Variants in WWOX observed in about 807,000 individuals in gnomAD.
WWOX encodes the protein WW domain-containing oxidoreductase.
WWOX carries 69 observed loss-of-function variants against 46.2 expected under a neutral mutation model. That is an observed-to-expected ratio of 1.49 (90% CI 1.23 to 1.82). WWOX has a LOEUF of 1.82. Among genes scored for constraint, WWOX ranks in the 40% most tolerant of loss-of-function variants. WWOX has a pLI of 0.00. For synonymous variants in WWOX, 359 were observed against 202.6 expected (o/e 1.77, Z -6.56); for missense variants, 919 against 542.6 (o/e 1.69, Z -6.89).
intron 8 of WWOX, among the ~76,000 whole-genome samples, chr16:78,724,823 A>C (rs540279286): frequency 2.0e-4 from 31 of 152,286 alleles, no homozygotes; most frequent in African/African-American, 6.5e-4. Flanking sequence ...GTAGTTTTTC[A>C]GACATATCTC....
At chr16:78,827,666 C>G (rs954213902) in intron 8 of WWOX, among the ~76,000 whole-genome samples, 15 of 128,748 alleles carry the variant, frequency 1.2e-4, no homozygotes, top group South Asian at 1.1e-3. Flanking sequence ...AACCCCATCT[C>G]TACTAAAAAT....
At chr16:78,848,983 G>A (rs539196476) in intron 8 of WWOX, among the ~76,000 whole-genome samples, 7 of 152,252 alleles carry the variant, frequency 4.6e-5, no homozygotes, top group Admixed American at 6.5e-5. Flanking sequence ...CATTTGCTGC[G>A]ATGACTCGCA....
chr16:78,475,465 G>C (rs2084329463), intron 8 of WWOX, among the ~76,000 whole-genome samples: 1 of 152,088 alleles, frequency 6.6e-6, no homozygotes, highest in Non-Finnish European at 1.5e-5. Context: ...ATAAGGTGTT[G>C]GTTTGTTATA....
At chr16:78,256,135 G>A (rs1289452468) in intron 5 of WWOX, among the ~76,000 whole-genome samples, 1 of 118,394 alleles carries the variant, frequency 8.4e-6, no homozygotes, top group Non-Finnish European at 1.6e-5. Flanking sequence ...GGGCGACAGA[G>A]CAAGACTCCA....
chr16:78,894,246 T>C (rs1174896414), intron 8 of WWOX, among the ~76,000 whole-genome samples: 2 of 152,034 alleles, frequency 1.3e-5, no homozygotes, highest in East Asian at 1.9e-4. Flanking sequence ...GATCGTTTAG[T>C]TTTAAAGAGT....
chr16:78,864,819 G>C (rs1359062506), intron 8 of WWOX, among the ~76,000 whole-genome samples: 1 of 137,792 alleles, frequency 7.3e-6, no homozygotes, highest in Non-Finnish European at 1.5e-5. Context: ...CTGGAGTGCA[G>C]TGGTGTGAAC....
chr16:79,057,600 G>T (rs2161726), intron 8 of WWOX, among the ~76,000 whole-genome samples: 10,110 of 152,036 alleles, frequency 0.066, 645 homozygotes, highest in African/African-American at 0.17. Context: ...GGGCACCAGT[G>T]TGAGTCCTTT....
At chr16:78,462,976 G>C (rs749585406) in intron 8 of WWOX, among the ~76,000 whole-genome samples, 2 of 152,194 alleles carry the variant, frequency 1.3e-5, no homozygotes, top group African/African-American at 2.4e-5. Flanking sequence ...TTTTGTAAAT[G>C]TCCTCTGATC....
chr16:79,004,328 G>A (rs1000943085), intron 8 of WWOX: 1 of 152,212 alleles, frequency 6.6e-6, no homozygotes, highest in Non-Finnish European at 1.5e-5. Context: ...CCTCCAAAGA[G>A]AATTCCTGGG....
Position 78,425,066 on chromosome 16 carries a change from A to G in WWOX, c.791+11A>G, listed in dbSNP as rs779754174. On this transcript the variant is annotated intron_variant, in intron 7 of 8. Coordinates refer to ENST00000566780, the MANE Select transcript of WWOX (RefSeq NM_016373.4). ...CTCAGAGTCCCATCGGTGGGTTTGA[A>G]TTGCATATTTGTTCACTTATCCCCT... 4.3e-6 allele frequency: 7 copies of G among 1,613,046 alleles called. No homozygotes were observed. The Admixed American group carries it at 8.3e-5, about 19-fold the overall frequency.
At chr16:78,466,523 G>T (rs962237648) in intron 8 of WWOX, among the ~76,000 whole-genome samples, 2 of 152,158 alleles carry the variant, frequency 1.3e-5, no homozygotes, top group African/African-American at 4.8e-5. Flanking sequence ...ATATTAAGCT[G>T]CTGTTGTTGT....
At chr16:78,899,650 G>T (rs2044779975) in intron 8 of WWOX, 1 of 152,194 alleles carries the variant, frequency 6.6e-6, no homozygotes, top group African/African-American at 2.4e-5. Flanking sequence ...TGACTAGTTG[G>T]TGAGTTGATC....
chr16:78,893,243 A>G (rs1001971121), intron 8 of WWOX, among the ~76,000 whole-genome samples: 6 of 152,062 alleles, frequency 3.9e-5, no homozygotes, highest in African/African-American at 1.4e-4. Flanking sequence ...TGCCTGAAAT[A>G]AGGGAAGACA....
At chr16:78,935,888 G>T (rs1321892239) in intron 8 of WWOX, among the ~76,000 whole-genome samples, 1 of 151,964 alleles carries the variant, frequency 6.6e-6, no homozygotes, top group Admixed American at 6.6e-5. Context: ...CTTCGGCCTG[G>T]GTGACAGAGT....
chr16:78,830,777 C>A (rs781644552), intron 8 of WWOX, among the ~76,000 whole-genome samples: 4 of 151,696 alleles, frequency 2.6e-5, no homozygotes, highest in African/African-American at 7.3e-5. Flanking sequence ...CAGCTCAGGG[C>A]CCCCTGGGAG....
chr16:79,080,493 C>T (rs1347251159), intron 8 of WWOX, among the ~76,000 whole-genome samples: 1 of 152,190 alleles, frequency 6.6e-6, no homozygotes, highest in South Asian at 2.1e-4. Context: ...GCTGTTTATA[C>T]TCCTCTTTGC....
chr16:78,866,208 C>G (rs1214433857), intron 8 of WWOX, among the ~76,000 whole-genome samples: 1 of 152,084 alleles, frequency 6.6e-6, no homozygotes, highest in East Asian at 1.9e-4. Flanking sequence ...AATCCTTCTG[C>G]CAGTCTCCAT....
chr16:78,115,941 G>A (rs2032762467), intron 4 of WWOX, among the ~76,000 whole-genome samples: 3 of 152,100 alleles, frequency 2.0e-5, no homozygotes, highest in South Asian at 4.2e-4. Context: ...GTCCCCCGCA[G>A]CCCTCACACG....
At chr16:78,798,884 C>G (rs577777288) in intron 8 of WWOX, among the ~76,000 whole-genome samples, 239 of 152,288 alleles carry the variant, frequency 1.6e-3, no homozygotes, top group African/African-American at 5.6e-3. Context: ...GTGTCCTTTT[C>G]TCCCCAGGGG....
Sources: allele counts gnomAD v4.1 joint callset (sites outside exome capture counted in the v4.1 genomes callset), GRCh38; gene constraint gnomAD v4.1.1; transcripts MANE v1.5; gene names NCBI Gene and HGNC (gene_info 2026-07-23, HGNC 2026-07-21).